CDH12: variants seen among roughly 807,000 people sequenced by gnomAD.
CDH12 encodes cadherin 12, also known as cadherin-12.
Under a neutral mutation model 74.1 loss-of-function variants are expected in CDH12, and 41 were observed. That is an observed-to-expected ratio of 0.55 (90% CI 0.43 to 0.72). CDH12 has a LOEUF of 0.72. CDH12 is among the 30% of genes least tolerant of loss of function. CDH12 has a pLI of 0.00. For missense variants in CDH12, 945 were observed against 977.2 expected (o/e 0.97, Z 0.44); for synonymous variants, 399 against 355.0 (o/e 1.12, Z -1.39).
intron 2 of CDH12, among the ~76,000 whole-genome samples, chr5:22,425,317 T>C (rs1743879394): frequency 6.6e-6 from 1 of 151,282 alleles, no homozygotes; most frequent in Admixed American, 6.6e-5. Flanking sequence ...TAGTTTACAT[T>C]TTATTTTGTT....
At chr5:22,631,963 G>A (rs749029571) in intron 1 of CDH12, among the ~76,000 whole-genome samples, 1 of 152,008 alleles carries the variant, frequency 6.6e-6, no homozygotes, top group South Asian at 2.1e-4. Flanking sequence ...GGCCCTACCT[G>A]CAACAATGGG....
chr5:21,999,170 A>G (rs913703895), intron 5 of CDH12, among the ~76,000 whole-genome samples: 3 of 152,164 alleles, frequency 2.0e-5, no homozygotes, highest in Admixed American at 6.6e-5. Flanking sequence ...GCTGAGACTT[A>G]CCAATTTTTC....
intron 3 of CDH12, among the ~76,000 whole-genome samples, chr5:22,381,454 T>C (rs914563125): frequency 1.3e-5 from 2 of 152,122 alleles, no homozygotes; most frequent in East Asian, 3.8e-4. Context: ...GGTCATTTAA[T>C]GGCCTTTTCC....
intron 1 of CDH12, among the ~76,000 whole-genome samples, chr5:22,744,803 GT>G (rs1045986244): frequency 6.6e-6 from 1 of 151,952 alleles, no homozygotes; most frequent in African/African-American, 2.4e-5. Flanking sequence ...GAATTGAACT[GT>G]TCTCTTTATC....
At chr5:22,567,059 A>T (rs1024599214) in intron 1 of CDH12, among the ~76,000 whole-genome samples, 1 of 152,192 alleles carries the variant, frequency 6.6e-6, no homozygotes, top group Non-Finnish European at 1.5e-5. Flanking sequence ...CAGTCTAGGA[A>T]GTATGGTCCT....
intron 1 of CDH12, among the ~76,000 whole-genome samples, chr5:22,646,813 T>A (rs1213651429): frequency 6.6e-6 from 1 of 151,928 alleles, no homozygotes; most frequent in African/African-American, 2.4e-5. Context: ...CCAACTGCAT[T>A]GAGAGAACAC....
At chr5:21,776,637 C>A (rs748668744) in intron 11 of CDH12, among the ~76,000 whole-genome samples, 6 of 152,174 alleles carry the variant, frequency 3.9e-5, no homozygotes, top group Non-Finnish European at 1.5e-5. Flanking sequence ...CCATCCTCCA[C>A]CCCATTTATA....
At chr5:22,692,254 T>C (rs1003155181) in intron 1 of CDH12, among the ~76,000 whole-genome samples, 4 of 152,150 alleles carry the variant, frequency 2.6e-5, no homozygotes, top group Non-Finnish European at 4.4e-5. Flanking sequence ...CAGATGGTGG[T>C]GTCCGGGCTT....
At chr5:22,736,812 A>G (rs997823811) in intron 1 of CDH12, among the ~76,000 whole-genome samples, 2 of 151,854 alleles carry the variant, frequency 1.3e-5, no homozygotes, top group Admixed American at 6.6e-5. Flanking sequence ...TTTTCTCACC[A>G]GAAATATTTT....
chr5:22,167,475 T>TA (rs1178884705), intron 4 of CDH12, among the ~76,000 whole-genome samples: 4 of 152,164 alleles, frequency 2.6e-5, no homozygotes, highest in African/African-American at 9.7e-5. Flanking sequence ...GTTATAACTT[T>TA]AAAAGCTTTG....
intron 2 of CDH12, among the ~76,000 whole-genome samples, chr5:22,489,159 G>A (rs1336275760): frequency 3.5e-5 from 5 of 144,030 alleles, no homozygotes; most frequent in Admixed American, 2.3e-4. Context: ...CTGGGTTCAC[G>A]CCATTCTCCT....
intron 8 of CDH12, among the ~76,000 whole-genome samples, chr5:21,819,113 G>T (rs1225305072): frequency 1.3e-5 from 2 of 152,100 alleles, no homozygotes; most frequent in East Asian, 3.9e-4. Context: ...CTACCAGAAG[G>T]ATAAAGCCAG....
chr5:22,635,359 G>T (rs1363095746), intron 1 of CDH12, among the ~76,000 whole-genome samples: 1 of 151,984 alleles, frequency 6.6e-6, no homozygotes, highest in African/African-American at 2.4e-5. Flanking sequence ...ATTTATCATG[G>T]ACAAAATAGA....
intron 2 of CDH12, among the ~76,000 whole-genome samples, chr5:22,470,842 T>G (rs2126605049): frequency 7.0e-6 from 1 of 142,346 alleles, no homozygotes; most frequent in Admixed American, 7.5e-5. Context: ...TCCATCATAC[T>G]CTCCTGGCAA....
intron 5 of CDH12, among the ~76,000 whole-genome samples, chr5:22,069,475 G>C (rs1193345505): frequency 6.6e-6 from 1 of 152,158 alleles, no homozygotes; most frequent in Non-Finnish European, 1.5e-5. Flanking sequence ...GTAGAAATGA[G>C]TGTGATACCA....
chr5:22,138,184 G>A (rs1746568179), intron 4 of CDH12, among the ~76,000 whole-genome samples: 1 of 151,842 alleles, frequency 6.6e-6, no homozygotes, highest in African/African-American at 2.4e-5. Flanking sequence ...AGTACTCATG[G>A]TCTTTTATTG....
intron 3 of CDH12, among the ~76,000 whole-genome samples, chr5:22,279,789 G>GTTTTAGATGTACATCA (rs1736796982): frequency 6.6e-6 from 1 of 152,064 alleles, no homozygotes. Context: ...TTGGACATTT[G>GTTTTAGATGTACATCA]GGTTGGTTCC....
chr5:21,861,665 T>C (rs1261077491), intron 6 of CDH12, among the ~76,000 whole-genome samples: 1 of 152,126 alleles, frequency 6.6e-6, no homozygotes, highest in Non-Finnish European at 1.5e-5. Flanking sequence ...TTATTTCCTC[T>C]ATTACAAACA....
intron 1 of CDH12, among the ~76,000 whole-genome samples, chr5:22,842,336 AAATC>A (rs1185884450): frequency 6.6e-6 from 1 of 152,178 alleles, no homozygotes; most frequent in Non-Finnish European, 1.5e-5. Flanking sequence ...CATAAGGAAA[AAATC>A]AAAGTTTTTA....
Sources: allele counts gnomAD v4.1 joint callset (sites outside exome capture counted in the v4.1 genomes callset), GRCh38; gene constraint gnomAD v4.1.1; transcripts MANE v1.5; gene names NCBI Gene and HGNC (gene_info 2026-07-23, HGNC 2026-07-21).